The following ENO1 variants were observed in gnomAD, a reference collection of about 807,000 sequenced individuals.
The protein encoded by ENO1 is alpha-enolase.
ENO1 carries 33 observed loss-of-function variants against 46.3 expected under a neutral mutation model. That is an observed-to-expected ratio of 0.71 (90% confidence interval 0.54 to 0.95). ENO1 has a LOEUF of 0.95. Among genes scored for constraint, ENO1 ranks in the 40% least tolerant of loss-of-function variants. The pLI is 0.00. For synonymous variants in ENO1, 220 were observed against 216.0 expected, an observed-to-expected ratio of 1.02 and a Z score of -0.16; for missense variants, 488 against 553.3, an observed-to-expected ratio of 0.88 and a Z score of 1.18.
Position 8,866,477 on chromosome 1 carries a change from A to G in ENO1, c.469T>C (p.Ser157Pro). The part of the protein sequence containing the change: ...VPAFNVINGG[S>P]HAGNKLAMQE... ...ATGGCCAGCTTGTTGCCAGCATGAG[A>G]ACCGCCATTGATGACATTGAACGCC... Residue 157 changes from serine (S) to proline (P), a missense_variant, in exon 7 of 12, where the codon TCT becomes CCT. Physicochemically the swap from Ser to Pro is moderately conservative, Grantham distance 74 (BLOSUM62 -1). Transcript: ENST00000234590. 6.2e-7 allele frequency: 1 copy of G among 1,614,214 alleles called. No homozygotes were observed. The highest frequency in any genetic ancestry group is 1.7e-5 in the Admixed American group (1 of 60,030).
At position 8,863,156 on chromosome 1, in the gene ENO1, C is replaced by G. The variant is rs1297638350; in HGVS notation, c.1176+79G>C. 9 of 1,524,922 alleles carry G rather than the reference C, an allele frequency of 5.9e-6. No homozygotes were observed. The East Asian group carries it at 1.9e-4, about 31-fold the overall frequency. The allele number at this position is 1,524,922 out of a possible 1,614,324, so 94.5% of individuals were successfully genotyped here. ...TCAGGGGACATGAGCAAAACGGGGA[C>G]AGACATGGAGCCTCACTGGTTTTGG... On this transcript the variant is annotated intron_variant, in intron 10 of 11. Coordinates refer to ENST00000234590, the MANE Select transcript of ENO1 (RefSeq NM_001428.5).
In ENO1 at chr1:8,875,307, G is replaced by GA. The variant is rs80201810; in HGVS notation, c.-9-391dup. Among the ~76,000 whole-genome samples the GA allele has an allele frequency of 8.8e-3, 1,007 of 114,460 alleles. 6 individuals carry two copies. Among genetic ancestry groups the GA allele is most frequent in the African/African-American group, 0.024 (768 of 32,648 alleles). 75.1% of individuals were successfully genotyped at this position (114,460 alleles called of 152,430 possible). ...TGAGGTCTTGTTCTGTAAGAAAAAA[G>GA]AAAAAAAAAAAAAGAGAGAGAAAAA... On this transcript the variant is annotated intron_variant, in intron 1 of 11. Coordinates refer to ENST00000234590, the MANE Select transcript of ENO1 (RefSeq NM_001428.5).
At position 8,864,062 on chromosome 1, in the gene ENO1, T is replaced by C; in HGVS notation, c.896A>G (p.Asp299Gly). The C allele has an allele frequency of 2.5e-6, 4 of 1,614,096 alleles. No individual in the cohort carries two copies. Among genetic ancestry groups the C allele is most frequent in the Non-Finnish European group, 2.5e-6 (3 of 1,180,026 alleles). Residue 299 changes from aspartate to glycine, a missense_variant, in exon 9 of 12, where the codon GAT (aspartate) becomes GGT (glycine). Coordinates refer to ENST00000234590, the MANE Select transcript of ENO1 (RefSeq NM_001428.5). ...VVSIEDPFDQ[D>G]DWGAWQKFTA... is the part of the protein sequence containing the mutation. ...GAACTTCTGCCAAGCTCCCCAGTCA[T>C]CCTGGTCAAAGGGATCTTCGATAGA...
chr1:8,867,008 C>T, intron 6 of ENO1, 109 bp downstream of exon 6: 1 of 1,488,396 alleles, frequency 6.7e-7, no homozygotes, highest in Middle Eastern at 2.1e-4. Context: ...CAGAGCTGTG[C>T]TGGGAGAGTC....
Position 8,867,247 on chromosome 1 carries a change from TTAGCTAGAACAGAAGAGAACCGAG to T in ENO1, c.311-21_313del, listed in dbSNP as rs774328034. ...CCCCAGAATGGCGTTCGCACCAAAC[TTAGCTAGAACAGAAGAGAACCGAG>T]TGGAATGAAGTCATTTCTGATTCAC... On this transcript the variant is annotated splice_acceptor_variant and splice_polypyrimidine_tract_variant and coding_sequence_variant and intron_variant, in exon 6 of 12. Transcript: ENST00000234590. LOFTEE classifies it high-confidence loss of function. The T allele has an allele frequency of 3.7e-6, 6 of 1,614,082 alleles. No homozygotes were observed. In the African/African-American group the frequency reaches 8.0e-5, roughly 22 times the overall value.
chr1:8,870,262 T>C (rs912567763), intron 4 of ENO1, 190 bp downstream of exon 4: 4 of 638,608 alleles, frequency 6.3e-6, no homozygotes, highest in Non-Finnish European at 1.1e-5. Flanking sequence ...TTCCATCTGC[T>C]CCCAAAAGTG....
rs531840417 is a variant in ENO1 at position 8,862,622 on chromosome 1, G to A, written c.1235+265C>T. Among the ~76,000 whole-genome samples, 17 of 152,300 alleles carry A rather than the reference G, an allele frequency of 1.1e-4. No homozygotes were observed. The South Asian group carries it at 3.3e-3, about 30-fold the overall frequency. On this transcript the variant is annotated intron_variant, in intron 11 of 11. Transcript: ENST00000234590. ...AAGTCATGCATCAGCTGTCAAAGGG[G>A]GTCCCATTCTTTCTCACCAGAAGAG...
intron 11 of ENO1, 87 bp downstream of exon 11, chr1:8,862,800 A>G: frequency 1.4e-6 from 2 of 1,444,774 alleles, no homozygotes; most frequent in Non-Finnish European, 9.5e-7. Flanking sequence ...CAGAGCCAGG[A>G]GCTCCTGGGG....
intron 3 of ENO1, chr1:8,870,925 A>C (rs917160261): frequency 8.0e-7 from 1 of 1,256,470 alleles, no homozygotes; most frequent in Non-Finnish European, 1.0e-6. Context: ...AGAGAGACTC[A>C]GAAGAGAACC....
intron 1 of ENO1, chr1:8,876,057 C>A (rs1325221315): frequency 6.6e-6 from 1 of 152,150 alleles, no homozygotes; most frequent in Non-Finnish European, 1.5e-5. Context: ...ACAAGAATTT[C>A]CAGCAATGAA....
chr1:8,871,731 C>T, intron 3 of ENO1, 160 bp downstream of exon 3: 3 of 1,262,194 alleles, frequency 2.4e-6, no homozygotes, highest in Non-Finnish European at 3.2e-6. Context: ...CTTTCCTGTC[C>T]ACAAGGTGGT....
intron 2 of ENO1, among the ~76,000 whole-genome samples, chr1:8,873,054 G>A (rs1294306317): frequency 3.9e-5 from 6 of 152,234 alleles, no homozygotes; most frequent in Non-Finnish European, 8.8e-5. Context: ...CTGCACTGCA[G>A]TGTGCGCTAT....
rs558445347 is a variant in ENO1 at position 8,871,801 on chromosome 1, G to C, written c.181+90C>G. The C allele has an allele frequency of 5.3e-4, 762 of 1,425,814 alleles. 8 individuals are homozygous for C. The South Asian group carries it at 8.7e-3, about 16-fold the overall frequency. 88.3% of individuals were successfully genotyped at this position (1,425,814 alleles called of 1,614,324 possible). ...GTTTACCTGCCATAAACCTGCAAGTGCAAGTGCCACCCAGAGAGGACAGGA... is the reference window on the plus strand; with the variant it reads ...GTTTACCTGCCATAAACCTGCAAGTCCAAGTGCCACCCAGAGAGGACAGGA... On this transcript the variant is annotated intron_variant, in intron 3 of 11. Transcript: ENST00000234590.
chr1:8,868,146 G>A, intron 4 of ENO1, 89 bp from the exon 5 acceptor site: 1 of 935,062 alleles, frequency 1.1e-6, no homozygotes, highest in Non-Finnish European at 1.7e-6. Flanking sequence ...CTTTGGAACT[G>A]TGTAATATCA....
intron 2 of ENO1, among the ~76,000 whole-genome samples, chr1:8,874,577 C>CAAAAAAA (rs140269736): frequency 9.2e-3 from 466 of 50,660 alleles, no homozygotes; most frequent in Middle Eastern, 0.038. Flanking sequence ...GACTCCATCT[C>CAAAAAAA]AAAAAAAAAA....
chr1:8,873,308 T>C (rs1642670109), intron 2 of ENO1, among the ~76,000 whole-genome samples: 1 of 152,204 alleles, frequency 6.6e-6, no homozygotes, highest in South Asian at 2.1e-4. Context: ...GCTTCTGCTG[T>C]GAACCTAAAA....
chr1:8,863,403 A>C, intron 9 of ENO1, 60 bp from the exon 10 acceptor site: 6 of 1,503,316 alleles, frequency 4.0e-6, no homozygotes, highest in Non-Finnish European at 4.5e-6. Context: ...ATAACCCCCA[A>C]TGCCATTACC....
At position 8,866,012 on chromosome 1, in the gene ENO1, C is replaced by T. The variant is rs192744064; in HGVS notation, c.667+267G>A. The T allele has an allele frequency of 7.1e-3, 2,731 of 383,678 alleles. 10 individuals are homozygous for T. The highest frequency in any genetic ancestry group is 9.3e-3 in the Non-Finnish European group (2,028 of 217,964). 23.8% of individuals were successfully genotyped at this position (383,678 alleles called of 1,614,324 possible). A position where few individuals can be genotyped will look rare whatever the true frequency, so the allele number is the denominator to read the frequency against. On this transcript the variant is annotated intron_variant, in intron 7 of 11. Transcript: ENST00000234590. ...GTAGGTATCACTTGAGCCCAGGAGGCGGAAGTTGTAGTGAGCCGAGATTGC... is the reference window on the plus strand; with the variant it reads ...GTAGGTATCACTTGAGCCCAGGAGGTGGAAGTTGTAGTGAGCCGAGATTGC...
Position 8,861,320 on chromosome 1 carries a change from T to G in ENO1, c.*40A>C. 1 of 1,609,996 alleles carries G rather than the reference T, an allele frequency of 6.2e-7. No homozygotes were observed. Among genetic ancestry groups the G allele is most frequent in the Non-Finnish European group, 8.5e-7 (1 of 1,177,488 alleles). ...GAGCTGACACGAGGGGAGGGGTCTG[T>G]GTAGCCAACAGGTGACCGAAGGGCT... On this transcript the variant is annotated 3_prime_UTR_variant, in exon 12 of 12. Transcript: ENST00000234590.
Sources: allele counts gnomAD v4.1 joint callset (sites outside exome capture counted in the v4.1 genomes callset), GRCh38; gene constraint gnomAD v4.1.1; transcripts MANE v1.5; gene names NCBI Gene and HGNC (gene_info 2026-07-23, HGNC 2026-07-21).